Variants in KLRG2 observed in about 807,000 individuals in gnomAD.
KLRG2 encodes killer cell lectin-like receptor subfamily G member 2.
A neutral mutation model predicts 35.4 loss-of-function variants in KLRG2; 39 were observed. The observed-to-expected ratio is 1.10, with a 90% CI of 0.85 to 1.44. The LOEUF (loss-of-function observed/expected upper bound fraction) is 1.44, where lower values mean the gene tolerates loss of function less well. Among genes scored for constraint, KLRG2 ranks in the 40% most tolerant of loss-of-function variants. The pLI is 0.00. For synonymous variants in KLRG2, 283 were observed against 265.8 expected (o/e 1.06, Z -0.63); for missense variants, 632 against 570.9 (o/e 1.11, Z -1.09).
chr7:139,440,452 C>T, the KLRG2 span, among the ~76,000 whole-genome samples: 1 of 99,708 alleles, frequency 1.0e-5, no homozygotes, highest in African/African-American at 4.4e-5. Context: ...TTAGTAGAGA[C>T]TGGATCTTCC....
At chr7:139,482,463 G>A (rs1361420732) in intron 1 of KLRG2, among the ~76,000 whole-genome samples, 1 of 151,990 alleles carries the variant, frequency 6.6e-6, no homozygotes, top group Non-Finnish European at 1.5e-5. Context: ...CATGATCTCG[G>A]CCCACTGCAA....
the KLRG2 span, among the ~76,000 whole-genome samples, chr7:139,438,941 G>A: frequency 1.5e-3 from 38 of 25,934 alleles, no homozygotes; most frequent in African/African-American, 4.3e-3. Flanking sequence ...ACCCCGCCCC[G>A]CCTCGGCCTC....
At chr7:139,479,113 T>A (rs1480885105) in intron 3 of KLRG2, among the ~76,000 whole-genome samples, 1 of 152,092 alleles carries the variant, frequency 6.6e-6, no homozygotes, top group Non-Finnish European at 1.5e-5. Context: ...GACGGAGCCT[T>A]GCTCTGTTGC....
chr7:139,451,440 C>T (rs1020610162), downstream of KLRG2, among the ~76,000 whole-genome samples: 9 of 152,034 alleles, frequency 5.9e-5, no homozygotes, highest in African/African-American at 1.9e-4. Context: ...GCGGAGGTTG[C>T]GGTGAGCCGA....
At chr7:139,438,027 C>T in the KLRG2 span, among the ~76,000 whole-genome samples, 5 of 152,118 alleles carry the variant, frequency 3.3e-5, no homozygotes, top group South Asian at 4.1e-4. Flanking sequence ...AAAAGGCCTG[C>T]GTGTTTCTTT....
In KLRG2 at chr7:139,474,899, T is replaced by C. The variant is rs150087432; in HGVS notation, c.1005+4728A>G. Among the ~76,000 whole-genome samples the C allele has an allele frequency of 8.0e-3, 1,219 of 152,288 alleles. 18 individuals carry two copies. Among genetic ancestry groups the C allele is most frequent in the African/African-American group, 0.024 (1,018 of 41,574 alleles). ...CAGGCCTCAGATGCAGGCCCAGACC[T>C]AGGAAATAGAATCTCTCTCTCTGAC... On this transcript the variant is annotated intron_variant, in intron 3 of 4. Coordinates refer to ENST00000340940, the MANE Select transcript of KLRG2 (RefSeq NM_198508.4).
At chr7:139,428,055 G>T in the KLRG2 span, among the ~76,000 whole-genome samples, 2 of 152,180 alleles carry the variant, frequency 1.3e-5, no homozygotes, top group African/African-American at 4.8e-5. Context: ...TCAGCTGGGA[G>T]TGGCAAGAAG....
intron 1 of KLRG2, among the ~76,000 whole-genome samples, chr7:139,482,641 C>T (rs1466676274): frequency 6.6e-6 from 1 of 152,192 alleles, no homozygotes; most frequent in Non-Finnish European, 1.5e-5. Flanking sequence ...GATCCGCCCG[C>T]CTCGGCTTCC....
At chr7:139,463,143 T>C (rs1334674042) in intron 3 of KLRG2, among the ~76,000 whole-genome samples, 1 of 152,186 alleles carries the variant, frequency 6.6e-6, no homozygotes, top group Non-Finnish European at 1.5e-5. Flanking sequence ...CCAAATCAGT[T>C]AGCGTTTAGG....
chr7:139,445,759 ATG>A, the KLRG2 span, among the ~76,000 whole-genome samples: 1 of 132,446 alleles, frequency 7.6e-6, no homozygotes, highest in Admixed American at 7.2e-5. Context: ...AATTATATAT[ATG>A]TGTATGTATA....
rs575843588 is a variant in KLRG2, at chr7:139,465,384, C to T, written c.1006-11170G>A. On this transcript the variant is annotated intron_variant, in intron 3 of 4. Transcript: ENST00000340940. ...CTTTAATAAAAACTCTTCTCAAAGC[C>T]GCTTTACTTCCAAAGGAGGCTAGAG... Among the ~76,000 whole-genome samples the T allele has an allele frequency of 3.3e-5, 5 of 152,284 alleles. No individual in the cohort carries two copies. In the East Asian group the frequency reaches 7.7e-4, roughly 24 times the overall value.
At chr7:139,472,151 T>C (rs1322148670) in intron 3 of KLRG2, among the ~76,000 whole-genome samples, 2 of 152,136 alleles carry the variant, frequency 1.3e-5, no homozygotes, top group East Asian at 3.9e-4. Flanking sequence ...ATAACTTTGA[T>C]TCCAGGTAGG....
intron 3 of KLRG2, among the ~76,000 whole-genome samples, chr7:139,470,992 G>C (rs922643869): frequency 6.6e-6 from 1 of 151,424 alleles, no homozygotes; most frequent in Non-Finnish European, 1.5e-5. Flanking sequence ...ACAGGTCCCC[G>C]TCACCACACC....
the KLRG2 span, among the ~76,000 whole-genome samples, chr7:139,428,058 G>A: frequency 6.6e-6 from 1 of 152,136 alleles, no homozygotes; most frequent in Non-Finnish European, 1.5e-5. Flanking sequence ...GCTGGGAGTG[G>A]CAAGAAGGGA....
At chr7:139,474,218 G>T (rs1487919651) in intron 3 of KLRG2, among the ~76,000 whole-genome samples, 3 of 151,830 alleles carry the variant, frequency 2.0e-5, no homozygotes, top group African/African-American at 2.4e-5. Context: ...TAGAGATAGG[G>T]TATCACCATG....
chr7:139,428,859 G>A, the KLRG2 span, among the ~76,000 whole-genome samples: 11 of 120,124 alleles, frequency 9.2e-5, 1 homozygote, highest in African/African-American at 6.5e-4. Context: ...CTGGATGTCT[G>A]CAGCTTACTT....
intron 3 of KLRG2, among the ~76,000 whole-genome samples, chr7:139,476,605 A>AG (rs1027163427): frequency 3.3e-5 from 5 of 151,834 alleles, no homozygotes; most frequent in African/African-American, 4.8e-5. Context: ...ATGCCTGGCT[A>AG]ATTTTTGTAT....
At chr7:139,449,055 G>C (rs757646942), downstream of KLRG2, among the ~76,000 whole-genome samples, 2 of 150,080 alleles carry the variant, frequency 1.3e-5, no homozygotes, top group African/African-American at 2.5e-5. Context: ...GCAGTGAGCC[G>C]AGATCGCACC....
Position 139,480,142 on chromosome 7 carries a change from A to G in KLRG2, c.859+4T>C. 1 of 1,602,380 alleles carries G rather than the reference A, an allele frequency of 6.2e-7. No homozygotes were observed. The highest frequency in any genetic ancestry group is 8.6e-7 in the Non-Finnish European group (1 of 1,169,282). On this transcript the variant is annotated splice_donor_region_variant and intron_variant, in intron 2 of 4. Transcript: ENST00000340940. ...AGGGGATGGGGACTGCAGGGACACC[A>G]TACCTGCTCTTGAGGCCAGGACCAC...
Sources: allele counts gnomAD v4.1 joint callset (sites outside exome capture counted in the v4.1 genomes callset), GRCh38; gene constraint gnomAD v4.1.1; transcripts MANE v1.5; gene names NCBI Gene and HGNC (gene_info 2026-07-23, HGNC 2026-07-21).